The following CKAP5 variants were observed in gnomAD, a reference collection of about 807,000 sequenced individuals.
CKAP5 encodes cytoskeleton associated protein 5.
A neutral mutation model predicts 232.8 loss-of-function variants in CKAP5; 27 were observed. The ratio of observed to expected loss-of-function variants is 0.12; its 90% confidence interval spans 0.09 to 0.16. CKAP5 has a LOEUF of 0.16. Ranked by LOEUF, CKAP5 falls within the 10% of genes least tolerant of loss-of-function variation. CKAP5 has a pLI of 1.00. For synonymous variants in CKAP5, 785 were observed against 841.1 expected, an observed-to-expected ratio of 0.93 and a Z score of 1.16; for missense variants, 1,838 against 2,424.7, an observed-to-expected ratio of 0.76 and a Z score of 5.08.
intron 1 of CKAP5, among the ~76,000 whole-genome samples, chr11:46,837,930 A>G (rs1939952631): frequency 6.6e-6 from 1 of 152,196 alleles, no homozygotes; most frequent in African/African-American, 2.4e-5. Flanking sequence ...GTGGGCTGCA[A>G]ACAGTGACTT....
At chr11:46,745,364 G>A (rs927120388) in intron 42 of CKAP5, among the ~76,000 whole-genome samples, 4 of 152,154 alleles carry the variant, frequency 2.6e-5, no homozygotes, top group Non-Finnish European at 4.4e-5. Context: ...ATCCTCTGAG[G>A]GGGTGAAAAA....
intron 4 of CKAP5, among the ~76,000 whole-genome samples, chr11:46,813,564 C>T (rs1592476151): frequency 6.6e-6 from 1 of 152,166 alleles, no homozygotes; most frequent in African/African-American, 2.4e-5. Context: ...GAAGCTCTCA[C>T]TAACAAAGCT....
At position 46,780,281 on chromosome 11, in the gene CKAP5, C is replaced by A. The variant is rs1162068731; in HGVS notation, c.2346G>T (p.Met782Ile). 2 of 1,614,092 alleles carry A rather than the reference C, an allele frequency of 1.2e-6. No homozygotes were observed. Among genetic ancestry groups the A allele is most frequent in the South Asian group, 1.1e-5 (1 of 91,084 alleles). The part of the protein sequence containing the change: ...RTAAITLLGV[M>I]YLYVGPSLRM... ...GCAAAGAGGGACCAACATACAGATA[C>A]ATCACGCCAAGCAGGGTTATGGCAG... is the stretch of plus-strand genomic sequence containing the variant. Residue 782 changes from methionine to isoleucine, a missense_variant, in exon 20 of 44, where the codon ATG (methionine) becomes ATT (isoleucine). Met to Ile is a conservative substitution (Grantham distance 10). This residue lies in a region of CKAP5 where 767 missense variants were observed against 954.6 expected (regional missense o/e 0.80). Coordinates refer to ENST00000529230, the MANE Select transcript of CKAP5 (RefSeq NM_001008938.4).
chr11:46,829,371 G>C (rs1399679477), intron 1 of CKAP5, among the ~76,000 whole-genome samples: 1 of 152,124 alleles, frequency 6.6e-6, no homozygotes, highest in Non-Finnish European at 1.5e-5. Flanking sequence ...TCTACTTACT[G>C]TCTCTAAAAA....
At chr11:46,779,435 AATC>A (rs761723395) in intron 20 of CKAP5, among the ~76,000 whole-genome samples, 5 of 151,948 alleles carry the variant, frequency 3.3e-5, no homozygotes, top group Non-Finnish European at 7.4e-5. Flanking sequence ...GCCCGGCCAA[AATC>A]ATCAATTTCT....
intron 42 of CKAP5, 44 bp downstream of exon 42, chr11:46,750,230 A>G: frequency 1.3e-6 from 2 of 1,581,690 alleles, no homozygotes; most frequent in Non-Finnish European, 1.7e-6. Flanking sequence ...CTGTGCTAGG[A>G]GCTATTTTGA....
At chr11:46,842,722 C>T (rs1940084423) in intron 1 of CKAP5, among the ~76,000 whole-genome samples, 1 of 152,028 alleles carries the variant, frequency 6.6e-6, no homozygotes, top group Non-Finnish European at 1.5e-5. Flanking sequence ...AATCCCAGCA[C>T]TTTGGGAGGC....
intron 7 of CKAP5, 83 bp downstream of exon 7, chr11:46,809,317 G>T: frequency 2.2e-6 from 2 of 909,734 alleles, no homozygotes; most frequent in African/African-American, 1.7e-5. Flanking sequence ...GGTGCATCAG[G>T]CAAGGGCTCA....
chr11:46,763,662 A>C (rs764981356), intron 28 of CKAP5, 32 bp from the exon 29 acceptor site: 20 of 1,471,370 alleles, frequency 1.4e-5, no homozygotes, highest in Non-Finnish European at 1.7e-5. Flanking sequence ...AAGGGGCTAC[A>C]GGGTGTTCAA....
rs1938694897 is a variant in CKAP5 at position 46,790,513 on chromosome 11, T to C, written c.1721A>G (p.Lys574Arg). 6.2e-7 allele frequency: 1 copy of C among 1,614,128 alleles called. No homozygotes were observed. The highest frequency in any genetic ancestry group is 1.1e-5 in the South Asian group (1 of 91,084). Residue 574 changes from lysine (K) to arginine (R), a missense_variant, in exon 14 of 44, where the codon AAG becomes AGG. Physicochemically the swap from Lys to Arg is conservative, Grantham distance 26 (BLOSUM62 2). Around this residue, in one of 6 missense-constraint regions of CKAP5, gnomAD observed 767 missense variants for 954.6 expected, o/e 0.80. Transcript: ENST00000529230. The part of the protein sequence containing the change: ...GGAGNTGTKN[K>R]KGLETKEIVE... ...TATTTCTTTAGTCTCCAGTCCTTTC[T>C]TGTTCTTGGTTCCAGTATTCCCTGC...
Position 46,823,663 on chromosome 11 carries a change from T to C in CKAP5, c.-37-2395A>G, listed in dbSNP as rs192869048. ...AGTGCAGTGGTGTGATCACAGCTCA[T>C]TGCAACCTTGATGTCCTGGGCTCAA... On this transcript the variant is annotated intron_variant, in intron 1 of 43. Coordinates refer to ENST00000529230, the MANE Select transcript of CKAP5 (RefSeq NM_001008938.4). Among the ~76,000 whole-genome samples the C allele has an allele frequency of 5.1e-3, 775 of 152,032 alleles. 8 individuals are homozygous for C. The highest frequency in any genetic ancestry group is 1.0e-2 in the African/African-American group (413 of 41,492).
chr11:46,798,866 T>TA (rs1938960764), intron 9 of CKAP5, among the ~76,000 whole-genome samples: 1 of 152,220 alleles, frequency 6.6e-6, no homozygotes, highest in East Asian at 1.9e-4. Context: ...ACTTACTTTC[T>TA]AAAAAACCAC....
At chr11:46,753,240 C>T (rs1317591546) in intron 37 of CKAP5, 70 bp downstream of exon 37, 3 of 1,272,728 alleles carry the variant, frequency 2.4e-6, no homozygotes, top group Non-Finnish European at 3.3e-6. Context: ...GACTTACGGA[C>T]ATTATGGTTT....
At chr11:46,818,937 T>C (rs2134687802) in intron 2 of CKAP5, among the ~76,000 whole-genome samples, 1 of 152,328 alleles carries the variant, frequency 6.6e-6, no homozygotes, top group South Asian at 2.1e-4. Flanking sequence ...TAATTTCAGC[T>C]AGTAGATTCC....
Position 46,796,660 on chromosome 11 carries a change from A to AAAG in CKAP5, c.1467+151_1467+152insCTT, listed in dbSNP as rs1388529224. 93 of 764,588 alleles carry AAAG rather than the reference A, an allele frequency of 1.2e-4. No individual in the cohort carries two copies. In the African/African-American group the frequency reaches 1.4e-3, roughly 12 times the overall value. 47.4% of individuals were successfully genotyped at this position (764,588 alleles called of 1,614,324 possible). A position where few individuals can be genotyped will look rare whatever the true frequency, so the allele number is the denominator to read the frequency against. ...GCATCCTCCAAAACTTGTTTCAATT[A>AAAG]TGCATTTCTTTCCTACTATAAATGG... On this transcript the variant is annotated intron_variant, in intron 12 of 43. Coordinates refer to ENST00000529230, the MANE Select transcript of CKAP5 (RefSeq NM_001008938.4).
rs1015872144 is a variant in CKAP5 at position 46,767,967 on chromosome 11, T to C, written c.3323-304A>G. ...GCCACCGCACCCAGCTAATTTTCTT[T>C]GTAATTTTTGTGGAGACAGGGTTTC... On this transcript the variant is annotated intron_variant, in intron 26 of 43. Transcript: ENST00000529230. 2.0e-5 allele frequency among the ~76,000 whole-genome samples: 3 copies of C among 151,548 alleles called. No homozygotes were observed. In the East Asian group the frequency reaches 5.9e-4, roughly 30 times the overall value.
chr11:46,769,164 T>A (rs191867714), intron 26 of CKAP5, among the ~76,000 whole-genome samples: 27 of 152,224 alleles, frequency 1.8e-4, no homozygotes, highest in Non-Finnish European at 2.9e-4. Flanking sequence ...AATGATCCAC[T>A]GGCCTTGGCC....
chr11:46,757,265 G>A (rs983202552), intron 35 of CKAP5, among the ~76,000 whole-genome samples: 17 of 151,698 alleles, frequency 1.1e-4, no homozygotes, highest in African/African-American at 3.4e-4. Context: ...GGCCGAGGCA[G>A]GTGGATCACC....
chr11:46,817,348 A>G (rs913333666), intron 3 of CKAP5, among the ~76,000 whole-genome samples: 5 of 152,180 alleles, frequency 3.3e-5, no homozygotes, highest in African/African-American at 1.2e-4. Flanking sequence ...GGGAACGGAT[A>G]TGTACCTTTA....
Sources: gnomAD v4.1 joint callset for allele counts (sites outside exome capture counted in the v4.1 genomes callset) on GRCh38, gnomAD v4.1.1 for gene constraint, gnomAD v4.1.1 regional missense constraint, MANE v1.5 for transcripts, NCBI Gene and HGNC (gene_info 2026-07-23, HGNC 2026-07-21) for gene names.